HIVEP1: variants seen among roughly 807,000 people sequenced by gnomAD.
HIVEP1 encodes zinc finger protein 40.
HIVEP1 carries 36 observed loss-of-function variants against 180.0 expected under a neutral mutation model. The observed-to-expected ratio is 0.20, with a 90% CI of 0.15 to 0.26. The LOEUF (loss-of-function observed/expected upper bound fraction) is 0.26, where lower values mean the gene tolerates loss of function less well. Among genes scored for constraint, HIVEP1 ranks in the 10% least tolerant of loss-of-function variants. The probability of loss-of-function intolerance (pLI) is 1.00; values close to 1 mark genes in which losing one functional copy is unlikely to be tolerated. For synonymous variants in HIVEP1, 1,239 were observed against 1,239.0 expected, an observed-to-expected ratio of 1.00 and a Z score of 0.00; for missense variants, 3,143 against 3,268.7, an observed-to-expected ratio of 0.96 and a Z score of 0.94.
intron 3 of HIVEP1, among the ~76,000 whole-genome samples, chr6:12,107,434 G>C (rs1159864402): frequency 6.6e-6 from 1 of 152,190 alleles, no homozygotes; most frequent in Non-Finnish European, 1.5e-5. Flanking sequence ...GACTGATCAG[G>C]GTACTGGTGG....
At chr6:12,071,447 A>C (rs929406922) in intron 2 of HIVEP1, among the ~76,000 whole-genome samples, 1 of 152,126 alleles carries the variant, frequency 6.6e-6, no homozygotes, top group Non-Finnish European at 1.5e-5. Flanking sequence ...TTGTTCCCCA[A>C]ATATTGTCTT....
At chr6:12,086,005 C>A (rs1773091552) in intron 2 of HIVEP1, among the ~76,000 whole-genome samples, 1 of 151,990 alleles carries the variant, frequency 6.6e-6, no homozygotes, top group Non-Finnish European at 1.5e-5. Context: ...GCATCATTTT[C>A]TTACACAAAA....
chr6:12,029,560 CTCTT>C (rs1185708577), intron 2 of HIVEP1, among the ~76,000 whole-genome samples: 1 of 151,738 alleles, frequency 6.6e-6, no homozygotes, highest in African/African-American at 2.4e-5. Flanking sequence ...ATTTTGATTT[CTCTT>C]TCTTTTTTGT....
downstream of HIVEP1, among the ~76,000 whole-genome samples, chr6:12,166,746 C>T (rs1262313408): frequency 6.6e-6 from 1 of 152,184 alleles, no homozygotes; most frequent in Non-Finnish European, 1.5e-5. Flanking sequence ...AATGGGACTA[C>T]ATTTGACTTT....
chr6:12,108,511 C>T (rs1329893340), intron 3 of HIVEP1, among the ~76,000 whole-genome samples: 3 of 152,244 alleles, frequency 2.0e-5, no homozygotes, highest in African/African-American at 4.8e-5. Context: ...GCATGGCGGG[C>T]TGCAGGTCCC....
At chr6:12,074,616 A>G (rs1189618802) in intron 2 of HIVEP1, among the ~76,000 whole-genome samples, 1 of 80,796 alleles carries the variant, frequency 1.2e-5, no homozygotes, top group Non-Finnish European at 2.7e-5. Flanking sequence ...AATTGTATGA[A>G]AAAGTGTGTG....
intron 2 of HIVEP1, among the ~76,000 whole-genome samples, chr6:12,052,475 C>T (rs1374495509): frequency 1.3e-5 from 2 of 152,142 alleles, no homozygotes; most frequent in Non-Finnish European, 2.9e-5. Context: ...GTTATTTGGT[C>T]AGTTTGGAAA....
At chr6:12,109,018 C>T (rs1175544162) in intron 3 of HIVEP1, among the ~76,000 whole-genome samples, 1 of 152,176 alleles carries the variant, frequency 6.6e-6, no homozygotes, top group South Asian at 2.1e-4. Flanking sequence ...CTCGCTCTGT[C>T]GCCCAGGCTG....
At chr6:12,106,191 G>C (rs888022005) in intron 3 of HIVEP1, among the ~76,000 whole-genome samples, 1 of 151,898 alleles carries the variant, frequency 6.6e-6, no homozygotes, top group Admixed American at 6.6e-5. Context: ...CCATGAAGCT[G>C]TCTTTACATA....
At chr6:12,011,442 A>G (rs1195945948), upstream of HIVEP1, among the ~76,000 whole-genome samples, 2 of 149,452 alleles carry the variant, frequency 1.3e-5, no homozygotes, top group Non-Finnish European at 3.0e-5. Flanking sequence ...ACCGCCCCCA[A>G]CTGAGCGACC....
intron 2 of HIVEP1, among the ~76,000 whole-genome samples, chr6:12,057,972 T>C (rs914979454): frequency 6.6e-6 from 1 of 152,214 alleles, no homozygotes; most frequent in South Asian, 2.1e-4. Context: ...TCAAATATTT[T>C]ATTCCCCATA....
At chr6:12,008,029 G>C (rs2296576), upstream of HIVEP1, 94,156 of 151,520 alleles carry the variant, frequency 0.62, 29,457 homozygotes, top group Middle Eastern at 0.7. Flanking sequence ...TTCTTTATTA[G>C]TAATCTGTTA....
At chr6:12,210,310 C>CCTA in the HIVEP1 span, among the ~76,000 whole-genome samples, 4 of 152,138 alleles carry the variant, frequency 2.6e-5, no homozygotes, top group Admixed American at 6.5e-5. Flanking sequence ...CCAAACACTC[C>CCTA]CTACGTTTCT....
rs777725496 is a variant in HIVEP1, at chr6:12,135,820, G to A, written c.6415G>A (p.Ala2139Thr). Residue 2139 changes from alanine to threonine, a missense_variant, in exon 7 of 9, where the codon GCA becomes ACA. Physicochemically the swap from Ala to Thr is moderately conservative, Grantham distance 58. Coordinates refer to ENST00000379388, the MANE Select transcript of HIVEP1 (RefSeq NM_002114.4). ...TCTGACAAAACACATGAAGTCCAAG[G>A]CACATAGCAAGAAATGTGTGGATTT... ...GNLTKHMKSK[A>T]HSKKCVDLGV... is the part of the protein sequence containing the mutation. 37 of 1,611,952 alleles carry A rather than the reference G, an allele frequency of 2.3e-5. No homozygotes were observed. The highest frequency in any genetic ancestry group is 2.9e-5 in the Non-Finnish European group (34 of 1,178,350).
chr6:12,036,046 G>A (rs1054983960), intron 2 of HIVEP1, among the ~76,000 whole-genome samples: 1 of 152,236 alleles, frequency 6.6e-6, no homozygotes, highest in East Asian at 1.9e-4. Flanking sequence ...ATTTACCCAC[G>A]CATTTGCTAT....
At chr6:12,068,806 A>T (rs965270121) in intron 2 of HIVEP1, among the ~76,000 whole-genome samples, 7 of 152,182 alleles carry the variant, frequency 4.6e-5, no homozygotes, top group African/African-American at 1.7e-4. Flanking sequence ...GTGTATTTAA[A>T]TGAGTAAATA....
chr6:12,022,701 A>G (rs971873478), intron 2 of HIVEP1, among the ~76,000 whole-genome samples: 2 of 152,222 alleles, frequency 1.3e-5, no homozygotes, highest in Non-Finnish European at 2.9e-5. Context: ...AAACTGGTTT[A>G]TGTCAGACTC....
chr6:12,011,975 CTCCCCCGCGCCGCCCGGCCCGCGT>C (rs1247348641), upstream of HIVEP1: 5 of 146,122 alleles, frequency 3.4e-5, no homozygotes, highest in African/African-American at 1.2e-4. Flanking sequence ...TTCGCCCTGC[CTCCCCCGCGCCGCCCGGCCCGCGT>C]TCCTCCCGCC....
intron 5 of HIVEP1, 131 bp from the exon 6 acceptor site, chr6:12,130,636 A>G (rs897547650): frequency 1.9e-6 from 1 of 526,762 alleles, no homozygotes; most frequent in Non-Finnish European, 3.4e-6. Flanking sequence ...TCTGTTACAC[A>G]TGCATAAAAT....
Sources: gnomAD v4.1 joint callset for allele counts (sites outside exome capture counted in the v4.1 genomes callset) on GRCh38, gnomAD v4.1.1 for gene constraint, MANE v1.5 for transcripts, NCBI Gene and HGNC (gene_info 2026-07-23, HGNC 2026-07-21) for gene names.